The following SNTG1 variants were observed in gnomAD, a reference collection of about 807,000 sequenced individuals.
SNTG1 encodes the protein syntrophin gamma 1.
Under a neutral mutation model 74.7 loss-of-function variants are expected in SNTG1, and 39 were observed. The ratio of observed to expected loss-of-function variants is 0.52; its 90% confidence interval spans 0.40 to 0.68. The LOEUF is 0.68. Among genes scored for constraint, SNTG1 ranks in the 30% least tolerant of loss-of-function variants. SNTG1 has a pLI of 0.00. For missense variants in SNTG1, 685 were observed against 609.5 expected (o/e 1.12, Z -1.30); for synonymous variants, 254 against 217.1 (o/e 1.17, Z -1.49).
At chr8:50,410,288 T>G (rs1325772209) in intron 4 of SNTG1, among the ~76,000 whole-genome samples, 2 of 152,122 alleles carry the variant, frequency 1.3e-5, no homozygotes, top group African/African-American at 4.8e-5. Context: ...CATTGTTTTT[T>G]CTTTTTCCCA....
chr8:50,121,740 A>C (rs2081003939), intron 1 of SNTG1, among the ~76,000 whole-genome samples: 1 of 141,752 alleles, frequency 7.1e-6, no homozygotes, highest in African/African-American at 2.6e-5. Flanking sequence ...TCACACCTGC[A>C]GTCCCAGTTA....
rs1237196407 is a variant in SNTG1, at chr8:50,419,692, G to A, written c.162+17348G>A. Among the ~76,000 whole-genome samples, 6 of 152,122 alleles carry A rather than the reference G, an allele frequency of 3.9e-5. No individual in the cohort carries two copies. In the East Asian group the frequency reaches 7.7e-4, roughly 20 times the overall value. ...AAACAAGAAAATTCTCACCTTGAAT[G>A]AGAAGCAATAATTAACAGATATCAA... On this transcript the variant is annotated intron_variant, in intron 4 of 18. Transcript: ENST00000642720.
intron 12 of SNTG1, among the ~76,000 whole-genome samples, chr8:50,587,424 G>A (rs566965801): frequency 3.9e-5 from 6 of 152,162 alleles, no homozygotes; most frequent in East Asian, 1.9e-4. Context: ...TTATTGTTTA[G>A]CATAATAAAT....
chr8:50,589,399 G>A (rs2094676700), intron 12 of SNTG1, among the ~76,000 whole-genome samples: 1 of 152,154 alleles, frequency 6.6e-6, no homozygotes, highest in Admixed American at 6.6e-5. Flanking sequence ...TCCCAAGGGT[G>A]GGTTAGCAGG....
chr8:50,075,732 C>T (rs758393510), intron 1 of SNTG1, among the ~76,000 whole-genome samples: 3 of 152,150 alleles, frequency 2.0e-5, no homozygotes, highest in Non-Finnish European at 2.9e-5. Flanking sequence ...AGGTCTGCAG[C>T]TTTTCTCCTG....
At chr8:50,653,742 G>A (rs2095163128) in intron 13 of SNTG1, among the ~76,000 whole-genome samples, 1 of 152,112 alleles carries the variant, frequency 6.6e-6, no homozygotes, top group African/African-American at 2.4e-5. Context: ...GTGGCCCAGA[G>A]TATTTTGTAC....
At chr8:50,679,721 T>G (rs2131382259) in intron 15 of SNTG1, among the ~76,000 whole-genome samples, 1 of 152,300 alleles carries the variant, frequency 6.6e-6, no homozygotes, top group African/African-American at 2.4e-5. Context: ...CCTCCCAGGC[T>G]TGGAATCAGG....
At chr8:50,738,684 C>T (rs529109156) in intron 17 of SNTG1, among the ~76,000 whole-genome samples, 10 of 151,756 alleles carry the variant, frequency 6.6e-5, no homozygotes, top group Non-Finnish European at 1.5e-4. Context: ...GTAACCAAAA[C>T]AGCATGGTAC....
chr8:50,137,245 T>C (rs1476234653), intron 1 of SNTG1, among the ~76,000 whole-genome samples: 1 of 152,186 alleles, frequency 6.6e-6, no homozygotes, highest in Admixed American at 6.5e-5. Context: ...TGAATTAGTA[T>C]AGTGAGAAAT....
chr8:50,570,404 G>A (rs917846675), intron 12 of SNTG1, among the ~76,000 whole-genome samples: 50 of 147,326 alleles, frequency 3.4e-4, no homozygotes, highest in Non-Finnish European at 5.8e-4. Flanking sequence ...GACTACAGGC[G>A]CACACCACCA....
At chr8:50,293,675 G>T (rs190879078) in intron 2 of SNTG1, among the ~76,000 whole-genome samples, 1 of 152,212 alleles carries the variant, frequency 6.6e-6, no homozygotes, top group African/African-American at 2.4e-5. Context: ...CTCCCAAAGT[G>T]CTGGGATTAC....
Position 50,028,646 on chromosome 8 carries a change from CGA to C in SNTG1, c.-103+116417_-103+116418del, listed in dbSNP as rs201728388. On this transcript the variant is annotated intron_variant, in intron 1 of 18. Transcript: ENST00000642720. ...GGGAGATATACCTAATGCTAGATGA[CGA>C]GTTAGTGGGTGCAGCGCACCAGCAT... Among the ~76,000 whole-genome samples, 1,605 of 151,886 alleles carry C rather than the reference CGA, an allele frequency of 0.011. 68 individuals carry two copies. The East Asian group carries it at 0.15, about 14-fold the overall frequency.
Position 49,974,197 on chromosome 8 carries a change from C to T in SNTG1, c.-103+61966C>T, listed in dbSNP as rs572174740. Among the ~76,000 whole-genome samples, 30 of 152,222 alleles carry T rather than the reference C, an allele frequency of 2.0e-4. No homozygotes were observed. The Middle Eastern group carries it at 0.01, about 52-fold the overall frequency. ...TTAGCAAAACATAGTAACGATAGCCCGATAAAATTAATTCCCAAAAATTAC... is the reference window on the plus strand; with the variant it reads ...TTAGCAAAACATAGTAACGATAGCCTGATAAAATTAATTCCCAAAAATTAC... On this transcript the variant is annotated intron_variant, in intron 1 of 18. Transcript: ENST00000642720.
chr8:50,447,692 G>A (rs532414501), intron 5 of SNTG1, among the ~76,000 whole-genome samples: 1 of 152,254 alleles, frequency 6.6e-6, no homozygotes, highest in South Asian at 2.1e-4. Context: ...ACCAAAAAAT[G>A]TCTGCACCCT....
At chr8:50,170,050 T>A (rs752609141) in intron 1 of SNTG1, among the ~76,000 whole-genome samples, 6 of 152,164 alleles carry the variant, frequency 3.9e-5, no homozygotes, top group Non-Finnish European at 8.8e-5. Flanking sequence ...TTCCTTTCCC[T>A]TTTTGCTCTT....
At chr8:50,252,976 G>T (rs990501710) in intron 2 of SNTG1, among the ~76,000 whole-genome samples, 1 of 152,126 alleles carries the variant, frequency 6.6e-6, no homozygotes, top group Non-Finnish European at 1.5e-5. Flanking sequence ...ACCACAATAA[G>T]ATACACCCTC....
intron 1 of SNTG1, among the ~76,000 whole-genome samples, chr8:49,997,374 AT>A (rs1386187025): frequency 1.3e-5 from 2 of 151,890 alleles, no homozygotes; most frequent in Non-Finnish European, 2.9e-5. Context: ...ATATATTGTT[AT>A]TTTTTCAATC....
Position 49,950,210 on chromosome 8 carries a change from C to T in SNTG1, c.-103+37979C>T, listed in dbSNP as rs986271274. Among the ~76,000 whole-genome samples, 6 of 152,170 alleles carry T rather than the reference C, an allele frequency of 3.9e-5. No individual in the cohort carries two copies. In the South Asian group the frequency reaches 1.0e-3, roughly 26 times the overall value. On this transcript the variant is annotated intron_variant, in intron 1 of 18. Transcript: ENST00000642720. ...CAAAGGACAACTTATGTCATTATAT[C>T]TTTACAGACTCTTCTCTGAGTAAAT... is the stretch of plus-strand genomic sequence containing the variant.
chr8:50,585,045 A>G (rs1585761343), intron 12 of SNTG1, among the ~76,000 whole-genome samples: 1 of 152,304 alleles, frequency 6.6e-6, no homozygotes, highest in East Asian at 1.9e-4. Flanking sequence ...CAGAATTTTC[A>G]TAGATAGAAC....
Sources: allele counts gnomAD v4.1 joint callset (sites outside exome capture counted in the v4.1 genomes callset), GRCh38; gene constraint gnomAD v4.1.1; transcripts MANE v1.5; gene names NCBI Gene and HGNC (gene_info 2026-07-23, HGNC 2026-07-21).